Variants in UNC5C observed in about 807,000 individuals in gnomAD.
UNC5C encodes unc-5 netrin receptor C.
UNC5C carries 47 observed loss-of-function variants against 99.8 expected under a neutral mutation model. The ratio of observed to expected loss-of-function variants is 0.47; its 90% CI spans 0.37 to 0.60. The LOEUF (loss-of-function observed/expected upper bound fraction) is 0.60. Among genes scored for constraint, UNC5C ranks in the 20% least tolerant of loss-of-function variants. The pLI is 0.00. For missense variants in UNC5C, 1,062 were observed against 1,165.9 expected, an observed-to-expected ratio of 0.91 and a Z score of 1.30; for synonymous variants, 487 against 452.2, an observed-to-expected ratio of 1.08 and a Z score of -0.98.
At chr4:95,183,164 A>G in intron 13 of UNC5C, 103 bp from the exon 14 acceptor site, 1 of 1,177,044 alleles carries the variant, frequency 8.5e-7, no homozygotes, top group South Asian at 1.6e-5. Flanking sequence ...CTGTGGCCTC[A>G]TTTAATCCTC....
At chr4:95,298,477 G>C (rs561016179) in intron 3 of UNC5C, among the ~76,000 whole-genome samples, 1 of 152,252 alleles carries the variant, frequency 6.6e-6, no homozygotes, top group African/African-American at 2.4e-5. Flanking sequence ...CCTCACTGCT[G>C]TCTTTGGGAC....
At chr4:95,347,462 C>G (rs1425906345) in intron 1 of UNC5C, among the ~76,000 whole-genome samples, 1 of 151,876 alleles carries the variant, frequency 6.6e-6, no homozygotes, top group Non-Finnish European at 1.5e-5. Flanking sequence ...CTCTCTTGAG[C>G]AAAAAGAACA....
At chr4:95,464,410 A>G (rs181981975) in intron 1 of UNC5C, among the ~76,000 whole-genome samples, 1 of 152,298 alleles carries the variant, frequency 6.6e-6, no homozygotes, top group African/African-American at 2.4e-5. Context: ...CATTAAGAAG[A>G]GTCTGATTAG....
At chr4:95,323,018 T>C (rs1742750983) in intron 2 of UNC5C, among the ~76,000 whole-genome samples, 1 of 150,796 alleles carries the variant, frequency 6.6e-6, no homozygotes, top group Non-Finnish European at 1.5e-5. Flanking sequence ...ATTTCCACAA[T>C]CACCATGAAT....
At chr4:95,368,345 C>A in intron 1 of UNC5C, among the ~76,000 whole-genome samples, 1 of 145,588 alleles carries the variant, frequency 6.9e-6, no homozygotes, top group African/African-American at 2.5e-5. Flanking sequence ...AAATTATAGG[C>A]TTACTACTAC....
intron 1 of UNC5C, among the ~76,000 whole-genome samples, chr4:95,515,651 T>C (rs961645697): frequency 1.3e-5 from 2 of 152,148 alleles, no homozygotes; most frequent in South Asian, 2.1e-4. Context: ...GCATAGCCAA[T>C]AGTCAACAGA....
intron 1 of UNC5C, among the ~76,000 whole-genome samples, chr4:95,533,357 C>G (rs1482372393): frequency 1.3e-5 from 2 of 151,794 alleles, no homozygotes; most frequent in African/African-American, 2.4e-5. Flanking sequence ...GATTGCACCA[C>G]TGCACTCTAG....
chr4:95,183,988 A>G (rs1000023589), intron 13 of UNC5C, among the ~76,000 whole-genome samples: 1 of 152,236 alleles, frequency 6.6e-6, no homozygotes, highest in Non-Finnish European at 1.5e-5. Context: ...ATATCATATT[A>G]TCATTATCAT....
intron 1 of UNC5C, among the ~76,000 whole-genome samples, chr4:95,371,455 T>G (rs1186833336): frequency 1.3e-5 from 2 of 149,186 alleles, no homozygotes; most frequent in Non-Finnish European, 3.0e-5. Context: ...GTGATTGAGG[T>G]TAGAGTTGGA....
intron 1 of UNC5C, among the ~76,000 whole-genome samples, chr4:95,363,476 A>C (rs1426133256): frequency 1.3e-5 from 2 of 152,174 alleles, no homozygotes; most frequent in Non-Finnish European, 2.9e-5. Flanking sequence ...CTCAGTGATA[A>C]TACTTCATTT....
chr4:95,185,053 T>C lies in UNC5C; in HGVS notation c.2280A>G (p.Lys760=). The C allele has an allele frequency of 1.9e-6, 3 of 1,611,370 alleles. No homozygotes were observed. The highest frequency in any genetic ancestry group is 2.5e-6 in the Non-Finnish European group (3 of 1,179,254). Residue 760 remains lysine (K), a synonymous_variant, in exon 13 of 16, where the codon AAA becomes AAG. Coordinates refer to ENST00000453304, the MANE Select transcript of UNC5C (RefSeq NM_003728.4). ...HSLWKSKLLA[K]YQEIPFYHVW... ...TTCGGCTTGGGAACCTTACCTGATA[T>C]TTAGCCAGCAATTTGCTCTTCCAGA...
chr4:95,539,629 A>T (rs1449348151), intron 1 of UNC5C, among the ~76,000 whole-genome samples: 5 of 152,114 alleles, frequency 3.3e-5, no homozygotes, highest in Non-Finnish European at 7.3e-5. Context: ...CTTGCTCCTA[A>T]AACATAAAAA....
chr4:95,419,696 C>G (rs1341715940), intron 1 of UNC5C, among the ~76,000 whole-genome samples: 1 of 152,098 alleles, frequency 6.6e-6, no homozygotes, highest in African/African-American at 2.4e-5. Context: ...CCCACTACCC[C>G]CAAACACTCA....
Position 95,164,297 on chromosome 4 carries a change from A to G in UNC5C, c.*4937T>C, listed in dbSNP as rs1232235144. ...CTGTATGGATATGGGTTTACATAACATTGGTTACAATATATTTATTCCCCC... is the reference window on the plus strand; with the variant it reads ...CTGTATGGATATGGGTTTACATAACGTTGGTTACAATATATTTATTCCCCC... On this transcript the variant is annotated 3_prime_UTR_variant, in exon 16 of 16. Coordinates refer to ENST00000453304, the MANE Select transcript of UNC5C (RefSeq NM_003728.4). 6.6e-6 allele frequency: 1 copy of G among 152,196 alleles called. No homozygotes were observed. The highest frequency in any genetic ancestry group is 2.4e-5 in the African/African-American group (1 of 41,460). The allele number at this position is 152,196 out of a possible 1,614,324, so 9.4% of individuals were successfully genotyped here.
At chr4:95,373,803 C>T (rs1184800825) in intron 1 of UNC5C, among the ~76,000 whole-genome samples, 1 of 152,038 alleles carries the variant, frequency 6.6e-6, no homozygotes, top group East Asian at 1.9e-4. Flanking sequence ...CATTAATGTC[C>T]CTCTGATGTT....
intron 1 of UNC5C, among the ~76,000 whole-genome samples, chr4:95,382,079 A>T (rs961725930): frequency 2.0e-5 from 3 of 152,194 alleles, no homozygotes; most frequent in Admixed American, 6.5e-5. Flanking sequence ...GAGTTTGCTC[A>T]GGTCAAGTGT....
chr4:95,164,237 G>C lies in UNC5C; in HGVS notation c.*4997C>G, dbSNP rs1022822802. The C allele has an allele frequency of 1.3e-5, 2 of 152,210 alleles. No individual in the cohort carries two copies. The highest frequency in any genetic ancestry group is 4.8e-5 in the African/African-American group (2 of 41,458). 9.4% of individuals were successfully genotyped at this position (152,210 alleles called of 1,614,324 possible). A position where few individuals can be genotyped will look rare whatever the true frequency, so the allele number is the denominator to read the frequency against. ...TTTCAAAAATAGGTTTTTCACACTA[G>C]AATTCTGGAAATGACTTCATTTGGC... On this transcript the variant is annotated 3_prime_UTR_variant, in exon 16 of 16. Transcript: ENST00000453304.
intron 1 of UNC5C, among the ~76,000 whole-genome samples, chr4:95,417,400 C>G (rs1312128130): frequency 6.6e-6 from 1 of 152,102 alleles, no homozygotes; most frequent in East Asian, 1.9e-4. Context: ...TAATAAACTT[C>G]TAGTATTTGA....
At chr4:95,441,775 T>C (rs1177190853) in intron 1 of UNC5C, among the ~76,000 whole-genome samples, 1 of 152,236 alleles carries the variant, frequency 6.6e-6, no homozygotes, top group Non-Finnish European at 1.5e-5. Context: ...GGCACAGTGA[T>C]GTGACTTACC....
Sources: allele counts gnomAD v4.1 joint callset (sites outside exome capture counted in the v4.1 genomes callset), GRCh38; gene constraint gnomAD v4.1.1; transcripts MANE v1.5; gene names NCBI Gene and HGNC (gene_info 2026-07-23, HGNC 2026-07-21).